The following EPHB2 variants were observed in gnomAD, a reference collection of about 807,000 sequenced individuals.
EPHB2 encodes EPH receptor B2, also known as ephrin type-B receptor 2.
Under a neutral mutation model 96.4 loss-of-function variants are expected in EPHB2, and 18 were observed. That is an observed-to-expected ratio of 0.19 (90% CI 0.13 to 0.28). EPHB2 has a LOEUF of 0.28. Among genes scored for constraint, EPHB2 ranks in the 10% least tolerant of loss-of-function variants. The pLI, the probability that EPHB2 is intolerant of heterozygous loss-of-function variation, is 1.00. For synonymous variants in EPHB2, 506 were observed against 534.1 expected, an observed-to-expected ratio of 0.95 and a Z score of 0.72; for missense variants, 989 against 1,355.4, an observed-to-expected ratio of 0.73 and a Z score of 4.25.
intron 1 of EPHB2, among the ~76,000 whole-genome samples, chr1:22,718,379 C>CTTTTTTTT (rs5773014): frequency 1.2e-5 from 1 of 81,466 alleles, no homozygotes; most frequent in Non-Finnish European, 2.4e-5. Flanking sequence ...GCTGTCAATT[C>CTTTTTTTT]TTTTTTTTTT....
At chr1:22,888,584 G>A (rs1244039967) in intron 6 of EPHB2, among the ~76,000 whole-genome samples, 3 of 152,194 alleles carry the variant, frequency 2.0e-5, no homozygotes, top group Non-Finnish European at 1.5e-5. Flanking sequence ...TCAGACTAAG[G>A]ACTAGTGGAT....
At chr1:22,781,511 C>T in intron 2 of EPHB2, 26 bp downstream of exon 2, 1 of 1,612,244 alleles carries the variant, frequency 6.2e-7, no homozygotes, top group Non-Finnish European at 8.5e-7. Context: ...CCAAACCTTG[C>T]ATTGGTCCCC....
Position 22,768,704 on chromosome 1 carries a change from AAAG to A in EPHB2, c.62-12712_62-12710del, listed in dbSNP as rs368871034. The stretch of plus-strand genomic sequence containing the variant: ...GATCCTGTCTCCATTAAAAAAAAAA[AAAG>A]AAGACTCTTTGTGGTGTCTGGAGTT... On this transcript the variant is annotated intron_variant, in intron 1 of 15. Transcript: ENST00000374630. Among the ~76,000 whole-genome samples, 107 of 146,640 alleles carry A rather than the reference AAAG, an allele frequency of 7.3e-4. No individual in the cohort carries two copies. The South Asian group carries it at 0.02, about 28-fold the overall frequency.
intron 3 of EPHB2, among the ~76,000 whole-genome samples, chr1:22,841,590 A>C (rs140277185): frequency 1.3e-5 from 2 of 152,338 alleles, no homozygotes; most frequent in African/African-American, 4.8e-5. Flanking sequence ...GGTGGAAGGC[A>C]TGCACGTGGC....
chr1:22,826,134 G>A (rs992887136), intron 3 of EPHB2, among the ~76,000 whole-genome samples: 4 of 152,194 alleles, frequency 2.6e-5, no homozygotes, highest in Non-Finnish European at 1.5e-5. Flanking sequence ...TGGCAGTGCG[G>A]GAGTGAATTG....
At position 22,785,018 on chromosome 1, in the gene EPHB2, C is replaced by T. The variant is rs368639670; in HGVS notation, c.753C>T (p.Ile251=). Reference sequence around the variant, plus strand: ...GGGACGGCGAGTGGCTGGTGCCCATCGGGCGCTGCATGTGCAAAGCAGGCT... The same window carrying T: ...GGGACGGCGAGTGGCTGGTGCCCATTGGGCGCTGCATGTGCAAAGCAGGCT... ...CNGDGEWLVP[I]GRCMCKAGFE... Residue 251 remains isoleucine (I), a synonymous_variant, in exon 3 of 16, where the codon ATC becomes ATT. Coordinates refer to ENST00000374630, the MANE Select transcript of EPHB2 (RefSeq NM_017449.5). The T allele has an allele frequency of 1.9e-5, 31 of 1,613,644 alleles. No homozygotes were observed. The African/African-American group carries it at 2.5e-4, about 13-fold the overall frequency.
intron 3 of EPHB2, among the ~76,000 whole-genome samples, chr1:22,859,766 C>T (rs968309765): frequency 1.3e-5 from 2 of 152,164 alleles, no homozygotes; most frequent in African/African-American, 4.8e-5. Flanking sequence ...GCACTCCAGC[C>T]TGGGTGACAG....
At chr1:22,867,421 G>A (rs1638514192) in intron 5 of EPHB2, among the ~76,000 whole-genome samples, 1 of 152,182 alleles carries the variant, frequency 6.6e-6, no homozygotes, top group Admixed American at 6.5e-5. Context: ...TGTCTGAGGA[G>A]TGTGGTTTTG....
chr1:22,916,231 C>G lies in EPHB2; in HGVS notation c.*2661C>G, dbSNP rs1035425241. 1.3e-5 allele frequency: 2 copies of G among 152,348 alleles called. No individual in the cohort carries two copies. The highest frequency in any genetic ancestry group is 6.5e-5 in the Admixed American group (1 of 15,286). 9.4% of individuals were successfully genotyped at this position (152,348 alleles called of 1,614,324 possible). ...TAGTTCTGTCTCCCCAGCCCACCCC[C>G]CAACTGTTCTGGGGCCCCACATGGG... On this transcript the variant is annotated 3_prime_UTR_variant, in exon 16 of 16. Transcript: ENST00000374630. The surrounding 1 kb of genome is among the most constrained non-coding windows in gnomAD (Gnocchi z 4.2).
At chr1:22,723,760 C>T (rs1028000136) in intron 1 of EPHB2, among the ~76,000 whole-genome samples, 34 of 152,316 alleles carry the variant, frequency 2.2e-4, no homozygotes, top group African/African-American at 7.7e-4. Flanking sequence ...TGTCACCTAC[C>T]CCATGGTGTT....
rs527440163 is a variant in EPHB2, at chr1:22,908,136, G to A, written c.2320G>A (p.Asp774Asn). 1.2e-5 allele frequency: 19 copies of A among 1,614,246 alleles called. No individual in the cohort carries two copies. Among genetic ancestry groups the A allele is most frequent in the East Asian group, 6.7e-5 (3 of 44,890 alleles). ...DFGLSRFLED[D>N]TSDPTYTSAL... ...TGGGCTCTCACGCTTTCTAGAGGAC[G>A]ATACCTCAGACCCCACCTACACCAG... Residue 774 changes from aspartate (D) to asparagine (N), a missense_variant, in exon 12 of 16, where the codon GAT (aspartate) becomes AAT (asparagine). Coordinates refer to ENST00000374630, the MANE Select transcript of EPHB2 (RefSeq NM_017449.5).
At chr1:22,824,353 C>G (rs1486560395) in intron 3 of EPHB2, among the ~76,000 whole-genome samples, 2 of 152,104 alleles carry the variant, frequency 1.3e-5, no homozygotes, top group Non-Finnish European at 2.9e-5. Flanking sequence ...CCATCCAACT[C>G]AGGCCAGTGA....
At chr1:22,888,676 A>G (rs1639301400) in intron 6 of EPHB2, among the ~76,000 whole-genome samples, 1 of 152,194 alleles carries the variant, frequency 6.6e-6, no homozygotes, top group South Asian at 2.1e-4. Context: ...GAGAGACCGA[A>G]GGGAATTGGC....
chr1:22,724,188 T>TTGC (rs2148343278), intron 1 of EPHB2, among the ~76,000 whole-genome samples: 1 of 152,350 alleles, frequency 6.6e-6, no homozygotes, highest in Admixed American at 6.5e-5. Context: ...TTTACCACAT[T>TTGC]TGCTCTCCTG....
intron 3 of EPHB2, among the ~76,000 whole-genome samples, chr1:22,811,175 A>T (rs1644997035): frequency 6.6e-6 from 1 of 152,164 alleles, no homozygotes; most frequent in South Asian, 2.1e-4. Context: ...CGAGGCCCCC[A>T]ATCCCATGTC....
intron 1 of EPHB2, among the ~76,000 whole-genome samples, chr1:22,780,549 G>A (rs1043708350): frequency 8.5e-5 from 13 of 152,326 alleles, no homozygotes; most frequent in Middle Eastern, 3.4e-3. Flanking sequence ...CAAGATGTGT[G>A]CGCCAGAGGA....
At chr1:22,888,714 G>A (rs1416490999) in intron 6 of EPHB2, among the ~76,000 whole-genome samples, 1 of 152,222 alleles carries the variant, frequency 6.6e-6, no homozygotes, top group Non-Finnish European at 1.5e-5. Flanking sequence ...AATGTGCCAG[G>A]CACTACCTGA....
At chr1:22,815,223 G>A (rs941002775) in intron 3 of EPHB2, among the ~76,000 whole-genome samples, 21 of 152,122 alleles carry the variant, frequency 1.4e-4, no homozygotes, top group Non-Finnish European at 2.8e-4. Flanking sequence ...CCCTTAGCCC[G>A]CCGCCCTTGG....
At chr1:22,750,437 T>C (rs1644044162) in intron 1 of EPHB2, among the ~76,000 whole-genome samples, 1 of 152,194 alleles carries the variant, frequency 6.6e-6, no homozygotes, top group South Asian at 2.1e-4. Context: ...TAGTCCTGTG[T>C]TTACATGAGT....
Sources: gnomAD v4.1 joint callset for allele counts (sites outside exome capture counted in the v4.1 genomes callset) on GRCh38, gnomAD v4.1.1 for gene constraint, Gnocchi (gnomAD v3.1) non-coding constraint, MANE v1.5 for transcripts, NCBI Gene and HGNC (gene_info 2026-07-23, HGNC 2026-07-21) for gene names.